FAH: variants seen among roughly 807,000 people sequenced by gnomAD.
FAH encodes the protein fumarylacetoacetate hydrolase, also known as fumarylacetoacetase.
In FAH, 47 loss-of-function variants were observed where a neutral mutation model predicts 55.8. That is an observed-to-expected ratio of 0.84 (90% CI 0.67 to 1.07). FAH has a LOEUF of 1.07. FAH is among the 50% of genes least tolerant of loss of function. The probability of loss-of-function intolerance (pLI) is 0.00; values close to 1 mark genes in which losing one functional copy is unlikely to be tolerated. For missense variants in FAH, 495 were observed against 545.9 expected, an observed-to-expected ratio of 0.91 and a Z score of 0.93; for synonymous variants, 199 against 207.7, an observed-to-expected ratio of 0.96 and a Z score of 0.36.
chr15:80,164,897 T>C (rs2041178744), intron 5 of FAH, among the ~76,000 whole-genome samples: 1 of 152,250 alleles, frequency 6.6e-6, no homozygotes, highest in Admixed American at 6.5e-5. Context: ...ACCACACGTA[T>C]GCACGCATAC....
At chr15:80,165,592 G>A (rs1207151662) in intron 5 of FAH, among the ~76,000 whole-genome samples, 1 of 151,918 alleles carries the variant, frequency 6.6e-6, no homozygotes, top group African/African-American at 2.4e-5. Flanking sequence ...CTACTTGGGA[G>A]GCTGAGGCAG....
chr15:80,165,099 A>G (rs1321448410), intron 5 of FAH, among the ~76,000 whole-genome samples: 2 of 152,256 alleles, frequency 1.3e-5, no homozygotes, highest in Non-Finnish European at 2.9e-5. Context: ...ATACAAAAAT[A>G]CAGTACAGTA....
chr15:80,168,427 C>A, intron 7 of FAH, 111 bp downstream of exon 7: 1 of 1,034,656 alleles, frequency 9.7e-7, no homozygotes, highest in Non-Finnish European at 1.5e-6. Context: ...TCTTCAGCCA[C>A]ATCGGCAGCC....
At position 80,171,218 on chromosome 15, in the gene FAH, A is replaced by T. The variant is rs1360877617; in HGVS notation, c.607-931A>T. Among the ~76,000 whole-genome samples, 5 of 151,936 alleles carry T rather than the reference A, an allele frequency of 3.3e-5. No individual in the cohort carries two copies. In the East Asian group the frequency reaches 7.7e-4, roughly 23 times the overall value. On this transcript the variant is annotated intron_variant, in intron 7 of 13. Transcript: ENST00000561421. Reference sequence around the variant, plus strand: ...ATTAAGTCGTCATTTAGCATTAGGTATATCTCCTAATGCTATCCCTCCCTC... The same window carrying T: ...ATTAAGTCGTCATTTAGCATTAGGTTTATCTCCTAATGCTATCCCTCCCTC...
Position 80,177,385 on chromosome 15 carries a change from G to T in FAH, c.914-152G>T, listed in dbSNP as rs1791179920. The T allele has an allele frequency of 1.5e-5, 11 of 737,154 alleles. No homozygotes were observed. In the South Asian group the frequency reaches 1.7e-4, roughly 11 times the overall value. The allele number at this position is 737,154 out of a possible 1,614,324, so 45.7% of individuals were successfully genotyped here. The stretch of plus-strand genomic sequence containing the variant: ...GTATTGGCCAACCCTGGACCTCCCA[G>T]CTCTGATGTCCTAGGAGCTAATTGT... On this transcript the variant is annotated intron_variant, in intron 10 of 13. Coordinates refer to ENST00000561421, the MANE Select transcript of FAH (RefSeq NM_000137.4).
Position 80,186,174 on chromosome 15 carries a change from G to A in FAH, c.1225G>A (p.Ala409Thr). The A allele has an allele frequency of 6.2e-7, 1 of 1,614,178 alleles. No individual in the cohort carries two copies. The highest frequency in any genetic ancestry group is 8.5e-7 in the Non-Finnish European group (1 of 1,179,994). ...TTACCGCATCGGCTTTGGCCAGTGT[G>A]CTGGAAAAGTGCTGCCTGCTCTCCT... ...DGYRIGFGQC[A>T]GKVLPALLPS Residue 409 changes from alanine to threonine, a missense_variant, in exon 14 of 14, where the codon GCT becomes ACT. Ala to Thr is a moderately conservative substitution (Grantham distance 58, BLOSUM62 0). Coordinates refer to ENST00000561421, the MANE Select transcript of FAH (RefSeq NM_000137.4).
chr15:80,182,300 T>C lies in FAH; in HGVS notation c.1180+1141T>C, dbSNP rs562536766. On this transcript the variant is annotated intron_variant, in intron 13 of 13. Coordinates refer to ENST00000561421, the MANE Select transcript of FAH (RefSeq NM_000137.4). ...AATCACATCTCCAGAAAATTTACTATATAAGGTAACATTCACAGGTCCTAG... is the reference window on the plus strand; with the variant it reads ...AATCACATCTCCAGAAAATTTACTACATAAGGTAACATTCACAGGTCCTAG... Among the ~76,000 whole-genome samples the C allele has an allele frequency of 3.5e-4, 53 of 152,282 alleles. 1 individual carries two copies. In the South Asian group the frequency reaches 0.011, roughly 30 times the overall value.
chr15:80,160,628 T>G (rs1567115259), intron 4 of FAH, 169 bp downstream of exon 4: 2 of 716,906 alleles, frequency 2.8e-6, no homozygotes, highest in African/African-American at 1.7e-5. Context: ...TTTCCCAGCA[T>G]CCAGGCCCGG....
At chr15:80,157,408 C>G (rs1471024350) in intron 1 of FAH, 3 of 156,572 alleles carry the variant, frequency 1.9e-5, no homozygotes, top group Non-Finnish European at 4.3e-5. Context: ...TTCTTGTTGA[C>G]GAGCAAAGCT....
chr15:80,168,011 A>C, intron 5 of FAH, 41 bp from the exon 6 acceptor site: 1 of 1,510,206 alleles, frequency 6.6e-7, no homozygotes, highest in Non-Finnish European at 9.2e-7. Flanking sequence ...ACAACATATA[A>C]CAGCTCTGAT....
intron 11 of FAH, among the ~76,000 whole-genome samples, chr15:80,178,939 T>A (rs1311871251): frequency 6.6e-6 from 1 of 152,222 alleles, no homozygotes; most frequent in Non-Finnish European, 1.5e-5. Context: ...GGACATTTGG[T>A]TGTTTCCGTT....
rs74810483 is a variant in FAH, at chr15:80,170,174, G to A, written c.606+1858G>A. ...CAGGGTCTTCAGCATCTGCTGGGTT[G>A]TCTGATGCCCAAGGTTGGAGTCAGT... On this transcript the variant is annotated intron_variant, in intron 7 of 13. Transcript: ENST00000561421. Among the ~76,000 whole-genome samples the A allele has an allele frequency of 8.6e-3, 1,314 of 152,370 alleles. 18 individuals carry two copies. Among genetic ancestry groups the A allele is most frequent in the African/African-American group, 0.029 (1,226 of 41,588 alleles).
intron 12 of FAH, among the ~76,000 whole-genome samples, chr15:80,180,585 C>T (rs1318672658): frequency 2.0e-5 from 3 of 152,200 alleles, no homozygotes; most frequent in Non-Finnish European, 4.4e-5. Flanking sequence ...ACCCGCTTGT[C>T]CCCCTGTAAG....
chr15:80,154,155 C>T (rs1005403840), intron 1 of FAH, among the ~76,000 whole-genome samples: 2 of 152,182 alleles, frequency 1.3e-5, no homozygotes, highest in African/African-American at 2.4e-5. Flanking sequence ...ACACTCAATC[C>T]CCTGGAGGAC....
At chr15:80,161,816 G>A (rs1303761113) in intron 4 of FAH, among the ~76,000 whole-genome samples, 4 of 152,058 alleles carry the variant, frequency 2.6e-5, no homozygotes, top group Non-Finnish European at 4.4e-5. Context: ...GAGAGAGCAG[G>A]GAGGGCTTCA....
intron 13 of FAH, 36 bp downstream of exon 13, chr15:80,181,195 C>G (rs1297146361): frequency 6.2e-6 from 9 of 1,451,188 alleles, no homozygotes; most frequent in Non-Finnish European, 8.7e-6. Context: ...CGTCTTCCTC[C>G]TTGCCCGCCA....
chr15:80,182,842 G>C (rs1344736178), intron 13 of FAH, among the ~76,000 whole-genome samples: 1 of 152,170 alleles, frequency 6.6e-6, no homozygotes, highest in Non-Finnish European at 1.5e-5. Context: ...ACGGTTCTGT[G>C]GATTGAGTGA....
rs2041157288 is a variant in FAH at position 80,162,412 on chromosome 15, C to G, written c.455+76C>G. On this transcript the variant is annotated intron_variant, in intron 5 of 13. Transcript: ENST00000561421. ...TCCAGCAGCATATTTGTCTCAGGAGCTGCCAAGTTCTTCTTAAAGTAAACT... is the reference window on the plus strand; with the variant it reads ...TCCAGCAGCATATTTGTCTCAGGAGGTGCCAAGTTCTTCTTAAAGTAAACT... 4.8e-6 allele frequency: 6 copies of G among 1,254,156 alleles called. No homozygotes were observed. The East Asian group carries it at 1.4e-4, about 29-fold the overall frequency. The allele number at this position is 1,254,156 out of a possible 1,614,324, so 77.7% of individuals were successfully genotyped here.
intron 8 of FAH, 131 bp downstream of exon 8, chr15:80,172,379 T>A: frequency 1.4e-6 from 1 of 695,888 alleles, no homozygotes; most frequent in Non-Finnish European, 2.6e-6. Context: ...AGTGGGGGTC[T>A]GGGTATCAAA....
Sources: gnomAD v4.1 joint callset for allele counts (sites outside exome capture counted in the v4.1 genomes callset) on GRCh38, gnomAD v4.1.1 for gene constraint, MANE v1.5 for transcripts, NCBI Gene and HGNC (gene_info 2026-07-23, HGNC 2026-07-21) for gene names.